The following BANP variants were observed in gnomAD, a reference collection of about 807,000 sequenced individuals.
BANP encodes the protein protein BANP.
BANP carries 11 observed loss-of-function variants against 68.1 expected under a neutral mutation model. The ratio of observed to expected loss-of-function variants is 0.16; its 90% CI spans 0.10 to 0.27. The LOEUF (loss-of-function observed/expected upper bound fraction) is 0.27, where lower values mean the gene tolerates loss of function less well. Among genes scored for constraint, BANP ranks in the 10% least tolerant of loss-of-function variants. BANP has a pLI of 1.00. For missense variants in BANP, 504 were observed against 722.7 expected (o/e 0.70, Z 3.47); for synonymous variants, 329 against 303.2 (o/e 1.09, Z -0.88).
intron 11 of BANP, among the ~76,000 whole-genome samples, chr16:88,059,750 G>A (rs929131283): frequency 1.2e-4 from 18 of 152,302 alleles, no homozygotes; most frequent in African/African-American, 2.2e-4. Flanking sequence ...TCCTGTCAGG[G>A]CCCTACCAGC....
At chr16:88,015,560 C>G (rs978810805) in intron 6 of BANP, among the ~76,000 whole-genome samples, 1 of 152,254 alleles carries the variant, frequency 6.6e-6, no homozygotes, top group Non-Finnish European at 1.5e-5. Flanking sequence ...GGAATGTTCT[C>G]TGGAGTTCTT....
Position 87,963,137 on chromosome 16 carries a change from G to C in BANP, c.-69+11622G>C, listed in dbSNP as rs1597790654. 2.0e-5 allele frequency among the ~76,000 whole-genome samples: 3 copies of C among 152,218 alleles called. No homozygotes were observed. The East Asian group carries it at 5.8e-4, about 29-fold the overall frequency. Reference sequence around the variant, plus strand: ...TGCCATTCCAGCTCGGGTGGCCTGGGAGTCTCCACACAGAAGCCGTCTGAG... The same window carrying C: ...TGCCATTCCAGCTCGGGTGGCCTGGCAGTCTCCACACAGAAGCCGTCTGAG... On this transcript the variant is annotated intron_variant, in intron 1 of 13. Coordinates refer to ENST00000682872, the MANE Select transcript of BANP (RefSeq NM_001386991.1).
At chr16:87,956,427 T>G (rs1445602327) in intron 1 of BANP, 3 of 152,248 alleles carry the variant, frequency 2.0e-5, no homozygotes, top group Non-Finnish European at 4.4e-5. Context: ...ATCATCTGAC[T>G]TGGTCAGCAG....
In BANP at chr16:88,076,610, C is replaced by G. The variant is rs778055062; in HGVS notation, c.1542C>G (p.Pro514=). Residue 514 remains proline, a synonymous_variant, in exon 14 of 14, where the codon CCC becomes CCG. Coordinates refer to ENST00000682872, the MANE Select transcript of BANP (RefSeq NM_001386991.1). ...AGAQTAEALQ[P]TLQPEMQLEH... ...TGCAGACGGCCGAAGCCCTGCAGCC[C>G]ACGCTACAGCCGGAGATGCAGCTCG... is the stretch of plus-strand genomic sequence containing the variant. 6.2e-7 allele frequency: 1 copy of G among 1,612,328 alleles called. No individual in the cohort carries two copies. The highest frequency in any genetic ancestry group is 8.5e-7 in the Non-Finnish European group (1 of 1,179,726).
Position 87,957,694 on chromosome 16 carries a change from G to C in BANP, c.-69+6179G>C, listed in dbSNP as rs2144718478. On this transcript the variant is annotated intron_variant, in intron 1 of 13. Coordinates refer to ENST00000682872, the MANE Select transcript of BANP (RefSeq NM_001386991.1). The surrounding 1 kb of genome is among the most constrained non-coding windows in gnomAD (Gnocchi z 4.3). ...CTGAAAGTAGAAACGCGTTTGGATG[G>C]AGCCGGGAGGGAGAACTGGGTGCGC... is the stretch of plus-strand genomic sequence containing the variant. Among the ~76,000 whole-genome samples, 1 of 152,384 alleles carries C rather than the reference G, an allele frequency of 6.6e-6. No homozygotes were observed. The highest frequency in any genetic ancestry group is 1.9e-4 in the East Asian group (1 of 5,194).
intron 4 of BANP, among the ~76,000 whole-genome samples, chr16:87,996,715 C>T (rs968603422): frequency 5.3e-5 from 8 of 152,156 alleles, no homozygotes; most frequent in Admixed American, 1.3e-4. Context: ...TGGTCCTCAG[C>T]GTTGCCCTCC....
intron 11 of BANP, among the ~76,000 whole-genome samples, chr16:88,038,836 G>A (rs546883024): frequency 6.6e-6 from 1 of 152,278 alleles, no homozygotes; most frequent in South Asian, 2.1e-4. Flanking sequence ...GAATCTGGGT[G>A]ATCTTCCCAT....
rs763914556 is a variant in BANP at position 87,984,129 on chromosome 16, C to G, written c.232C>G (p.Leu78Val). The G allele has an allele frequency of 6.2e-7, 1 of 1,612,920 alleles. No homozygotes were observed. The highest frequency in any genetic ancestry group is 1.7e-5 in the Admixed American group (1 of 59,932). Residue 78 changes from leucine (L) to valine (V), a missense_variant, in exon 4 of 14, where the codon CTG becomes GTG. This residue lies in a region of BANP where 238 missense variants were observed against 278.9 expected (regional missense o/e 0.85). Transcript: ENST00000682872. ...TAGCATTGAAGCCAAATTGCAAGCCCTGGAGGCTACTTGTAAATCCTTAGA... is the reference window on the plus strand; with the variant it reads ...TAGCATTGAAGCCAAATTGCAAGCCGTGGAGGCTACTTGTAAATCCTTAGA... ...LDSIEAKLQA[L>V]EATCKSLEEK...
At position 88,004,176 on chromosome 16, in the gene BANP, G is replaced by GCCT; in HGVS notation, c.363-116_363-114dup. ...GTGGACTATGTTGAATGACTCTTAGGCCTCCCCCTCAGTGCGGGTCCCTGG... is the reference window on the plus strand; with the variant it reads ...GTGGACTATGTTGAATGACTCTTAGGCCTCCTCCCCCTCAGTGCGGGTCCCTGG... On this transcript the variant is annotated intron_variant, in intron 4 of 13. Coordinates refer to ENST00000682872, the MANE Select transcript of BANP (RefSeq NM_001386991.1). The surrounding 1 kb of genome is among the most constrained non-coding windows in gnomAD (Gnocchi z 7.0). 1 of 706,486 alleles carries GCCT rather than the reference G, an allele frequency of 1.4e-6. No homozygotes were observed. The highest frequency in any genetic ancestry group is 1.5e-5 in the South Asian group (1 of 65,208). The allele number at this position is 706,486 out of a possible 1,614,324, so 43.8% of individuals were successfully genotyped here. A position where few individuals can be genotyped will look rare whatever the true frequency, so the allele number is the denominator to read the frequency against.
rs373070230 is a variant in BANP, at chr16:88,016,288, C to T, written c.656-2140C>T. Reference sequence around the variant, plus strand: ...GGTGCAGGTGCCAATGCTCCAGAGCCGCCTCGGCCACTGTCCTCCCACATC... The same window carrying T: ...GGTGCAGGTGCCAATGCTCCAGAGCTGCCTCGGCCACTGTCCTCCCACATC... On this transcript the variant is annotated intron_variant, in intron 6 of 13. Transcript: ENST00000682872. 5.3e-5 allele frequency among the ~76,000 whole-genome samples: 8 copies of T among 152,330 alleles called. No homozygotes were observed. In the East Asian group the frequency reaches 5.8e-4, roughly 11 times the overall value.
chr16:88,021,752 C>T (rs72818519), intron 7 of BANP, among the ~76,000 whole-genome samples: 8,684 of 152,322 alleles, frequency 0.057, 319 homozygotes, highest in African/African-American at 0.1. Context: ...CCCCACCTTA[C>T]TCTCTGCTGT....
chr16:87,993,343 CA>C (rs1294627465), intron 4 of BANP, among the ~76,000 whole-genome samples: 4 of 152,230 alleles, frequency 2.6e-5, no homozygotes, highest in Admixed American at 2.0e-4. Context: ...TGGAGTGTCA[CA>C]GATACTGTTG....
chr16:88,035,085 G>C (rs2079025841), intron 9 of BANP: 1 of 519,986 alleles, frequency 1.9e-6, no homozygotes, highest in East Asian at 3.4e-5. Flanking sequence ...CACAGTTTCT[G>C]GCGTCCACGT....
At chr16:88,015,161 G>A (rs1480346303) in intron 6 of BANP, among the ~76,000 whole-genome samples, 4 of 136,354 alleles carry the variant, frequency 2.9e-5, no homozygotes, top group Non-Finnish European at 6.2e-5. Flanking sequence ...CGTGCCCTCT[G>A]CCCGTCCCCT....
intron 4 of BANP, among the ~76,000 whole-genome samples, chr16:87,996,289 C>G (rs923179005): frequency 6.6e-6 from 1 of 152,226 alleles, no homozygotes; most frequent in Non-Finnish European, 1.5e-5. Context: ...CTGCCTGTGC[C>G]ACTTAGTTGG....
rs112277071 is a variant in BANP at position 87,979,191 on chromosome 16, A to C, written c.71-1845A>C. On this transcript the variant is annotated intron_variant, in intron 2 of 13. Transcript: ENST00000682872. ...GACAGTCTTTTTTGTTTTCCTGTTA[A>C]GATCTTCGGAATGTCAATGTATGTA... Among the ~76,000 whole-genome samples, 533 of 152,234 alleles carry C rather than the reference A, an allele frequency of 3.5e-3. 2 individuals carry two copies. Among genetic ancestry groups the C allele is most frequent in the African/African-American group, 0.011 (477 of 41,542 alleles).
chr16:88,045,633 G>T (rs891900399), intron 11 of BANP, among the ~76,000 whole-genome samples: 8 of 152,156 alleles, frequency 5.3e-5, no homozygotes, highest in Non-Finnish European at 8.8e-5. Flanking sequence ...AGCCAGAGGT[G>T]GGGGAGCCTG....
At chr16:88,022,250 G>T (rs932518302) in intron 7 of BANP, among the ~76,000 whole-genome samples, 2 of 152,162 alleles carry the variant, frequency 1.3e-5, no homozygotes, top group Non-Finnish European at 2.9e-5. Flanking sequence ...TCACGCCTCT[G>T]CTTGGACTCT....
intron 6 of BANP, among the ~76,000 whole-genome samples, chr16:88,016,800 C>T (rs1281350699): frequency 2.0e-5 from 3 of 151,636 alleles, no homozygotes; most frequent in Non-Finnish European, 2.9e-5. Flanking sequence ...TCTGAGCGTA[C>T]GTTCCTGGCA....
Sources: allele counts gnomAD v4.1 joint callset (sites outside exome capture counted in the v4.1 genomes callset), GRCh38; gene constraint gnomAD v4.1.1; regional missense constraint gnomAD v4.1.1; non-coding constraint Gnocchi (gnomAD v3.1); transcripts MANE v1.5; gene names NCBI Gene and HGNC (gene_info 2026-07-23, HGNC 2026-07-21).